PRKCA: variants seen among roughly 807,000 people sequenced by gnomAD.
PRKCA encodes the protein protein kinase C alpha type.
In PRKCA, 27 loss-of-function variants were observed where a neutral mutation model predicts 87.0. That is an observed-to-expected ratio of 0.31 (90% CI 0.23 to 0.43). The LOEUF (loss-of-function observed/expected upper bound fraction) is 0.43, where lower values mean the gene tolerates loss of function less well. PRKCA is among the 20% of genes least tolerant of loss of function. PRKCA has a pLI of 1.00. For synonymous variants in PRKCA, 329 were observed against 311.1 expected, an observed-to-expected ratio of 1.06 and a Z score of -0.61; for missense variants, 518 against 852.3, an observed-to-expected ratio of 0.61 and a Z score of 4.88.
chr17:66,454,071 G>A (rs1266906642), intron 2 of PRKCA, among the ~76,000 whole-genome samples: 1 of 152,166 alleles, frequency 6.6e-6, no homozygotes, highest in African/African-American at 2.4e-5. Context: ...TCATGCCCTA[G>A]TTTCATGTTG....
chr17:66,607,327 C>A lies in PRKCA; in HGVS notation c.289-34028C>A, dbSNP rs146914092. Among the ~76,000 whole-genome samples, 57 of 152,228 alleles carry A rather than the reference C, an allele frequency of 3.7e-4. No individual in the cohort carries two copies. In the East Asian group the frequency reaches 0.01, roughly 28 times the overall value. ...TTTACATAGTTCTGTGGGAAAAAAT[C>A]GGACATACAGTGAGTTAAGTGGAGA... On this transcript the variant is annotated intron_variant, in intron 3 of 16. Coordinates refer to ENST00000413366, the MANE Select transcript of PRKCA (RefSeq NM_002737.3).
intron 3 of PRKCA, among the ~76,000 whole-genome samples, chr17:66,638,844 T>TA (rs750464346): frequency 0.012 from 1,705 of 141,788 alleles, 28 homozygotes; most frequent in African/African-American, 0.041. Flanking sequence ...CAAGACTGTC[T>TA]AAAAAAAAAA....
chr17:66,413,518 A>C (rs781438002), intron 2 of PRKCA, among the ~76,000 whole-genome samples: 1 of 152,194 alleles, frequency 6.6e-6, no homozygotes, highest in Non-Finnish European at 1.5e-5. Flanking sequence ...TTCAGCCTCT[A>C]ATCAGATGAT....
At chr17:66,432,115 A>G (rs773284957) in intron 2 of PRKCA, among the ~76,000 whole-genome samples, 37 of 152,204 alleles carry the variant, frequency 2.4e-4, no homozygotes, top group Non-Finnish European at 5.0e-4. Flanking sequence ...TACTCATGCA[A>G]GTAAGAAGCA....
chr17:66,306,194 A>G, intron 2 of PRKCA, 67 bp downstream of exon 2: 1 of 1,423,666 alleles, frequency 7.0e-7, no homozygotes, highest in Non-Finnish European at 9.7e-7. Context: ...CAAGAACATT[A>G]TTTCCAGTCA....
intron 2 of PRKCA, among the ~76,000 whole-genome samples, chr17:66,397,260 C>T (rs995777936): frequency 4.2e-5 from 6 of 143,892 alleles, no homozygotes; most frequent in South Asian, 2.2e-4. Flanking sequence ...CCAGCATGCC[C>T]GGCCCCAGTG....
intron 2 of PRKCA, among the ~76,000 whole-genome samples, chr17:66,347,316 A>G (rs949924013): frequency 2.0e-5 from 3 of 152,150 alleles, no homozygotes; most frequent in Non-Finnish European, 4.4e-5. Flanking sequence ...TTCTGCTTCA[A>G]TCTGTTGTGA....
intron 5 of PRKCA, among the ~76,000 whole-genome samples, chr17:66,646,779 A>G (rs1434037598): frequency 6.6e-6 from 1 of 152,204 alleles, no homozygotes; most frequent in Non-Finnish European, 1.5e-5. Flanking sequence ...AAGAACTCAG[A>G]GAAGAACAAA....
Position 66,803,807 on chromosome 17 carries a change from C to G in PRKCA, c.1855-66C>G. ...GCCGTGCCCCTCCCCAGAGAGGGCCCTCGGAGAGCTGCTCCCGCATTGTCA... is the reference window on the plus strand; with the variant it reads ...GCCGTGCCCCTCCCCAGAGAGGGCCGTCGGAGAGCTGCTCCCGCATTGTCA... On this transcript the variant is annotated intron_variant, in intron 16 of 16. Coordinates refer to ENST00000413366, the MANE Select transcript of PRKCA (RefSeq NM_002737.3). This position sits in a 1 kb window ranked among gnomAD's most constrained non-coding sequence, Gnocchi z 4.4. 6.3e-7 allele frequency: 1 copy of G among 1,578,140 alleles called. No homozygotes were observed. Among genetic ancestry groups the G allele is most frequent in the Non-Finnish European group, 8.6e-7 (1 of 1,158,920 alleles).
At chr17:66,680,396 G>A (rs1373330777) in intron 5 of PRKCA, among the ~76,000 whole-genome samples, 1 of 152,148 alleles carries the variant, frequency 6.6e-6, no homozygotes. Flanking sequence ...CAGTAATTCT[G>A]TTTTGAGCCT....
At chr17:66,726,362 G>A (rs1973748612) in intron 8 of PRKCA, among the ~76,000 whole-genome samples, 1 of 152,206 alleles carries the variant, frequency 6.6e-6, no homozygotes, top group Non-Finnish European at 1.5e-5. Context: ...ACCAAAAGGA[G>A]GCACTTGAGT....
intron 5 of PRKCA, among the ~76,000 whole-genome samples, chr17:66,666,789 A>G (rs906254340): frequency 9.2e-5 from 14 of 152,184 alleles, no homozygotes; most frequent in Admixed American, 5.9e-4. Flanking sequence ...GAGAAAGAGT[A>G]GTCGTAACTC....
At chr17:66,418,676 A>G (rs1227983993) in intron 2 of PRKCA, among the ~76,000 whole-genome samples, 1 of 151,910 alleles carries the variant, frequency 6.6e-6, no homozygotes, top group East Asian at 1.9e-4. Context: ...ACCTCAAGTG[A>G]TCTTCCAGCC....
At chr17:66,582,536 C>G (rs1969477488) in intron 3 of PRKCA, among the ~76,000 whole-genome samples, 1 of 152,156 alleles carries the variant, frequency 6.6e-6, no homozygotes, top group Non-Finnish European at 1.5e-5. Context: ...TTGCCTGCCG[C>G]CATGTAAGAT....
intron 8 of PRKCA, among the ~76,000 whole-genome samples, chr17:66,718,824 G>A (rs1191323618): frequency 1.3e-5 from 2 of 152,132 alleles, no homozygotes; most frequent in African/African-American, 4.8e-5. Flanking sequence ...ATGTGTTTTT[G>A]TTTTGACATC....
Position 66,806,779 on chromosome 17 carries a change from A to G in PRKCA, c.*2742A>G, listed in dbSNP as rs933867909. Reference sequence around the variant, plus strand: ...GCTGGCTGTTACTCTCTCAGACCATATGGCAAAGTTTTCCAAGAAAATGCC... The same window carrying G: ...GCTGGCTGTTACTCTCTCAGACCATGTGGCAAAGTTTTCCAAGAAAATGCC... On this transcript the variant is annotated 3_prime_UTR_variant, in exon 17 of 17. Coordinates refer to ENST00000413366, the MANE Select transcript of PRKCA (RefSeq NM_002737.3). 5 of 152,208 alleles carry G rather than the reference A, an allele frequency of 3.3e-5. No homozygotes were observed. The highest frequency in any genetic ancestry group is 1.2e-4 in the African/African-American group (5 of 41,454). The allele number at this position is 152,208 out of a possible 1,614,324, so 9.4% of individuals were successfully genotyped here.
Position 66,506,059 on chromosome 17 carries a change from G to A in PRKCA, c.288+9776G>A, listed in dbSNP as rs376337735. Among the ~76,000 whole-genome samples the A allele has an allele frequency of 3.3e-5, 5 of 152,280 alleles. No individual in the cohort carries two copies. The East Asian group carries it at 5.8e-4, about 18-fold the overall frequency. On this transcript the variant is annotated intron_variant, in intron 3 of 16. Transcript: ENST00000413366. Reference sequence around the variant, plus strand: ...GCCTATAATCCCAGCACTTTGGGAGGTCAAGGCAGGTGGATCACCTGAGGT... The same window carrying A: ...GCCTATAATCCCAGCACTTTGGGAGATCAAGGCAGGTGGATCACCTGAGGT...
At chr17:66,400,274 C>T (rs1412057748) in intron 2 of PRKCA, among the ~76,000 whole-genome samples, 1 of 152,166 alleles carries the variant, frequency 6.6e-6, no homozygotes, top group Non-Finnish European at 1.5e-5. Flanking sequence ...GCCTTAGCCA[C>T]CTGAGTAGCT....
At chr17:66,787,888 T>C (rs1359937618) in intron 15 of PRKCA, among the ~76,000 whole-genome samples, 1 of 152,194 alleles carries the variant, frequency 6.6e-6, no homozygotes, top group Non-Finnish European at 1.5e-5. Flanking sequence ...CCTCCTGTCA[T>C]ATTGCTGTGC....
Sources: gnomAD v4.1 joint callset for allele counts (sites outside exome capture counted in the v4.1 genomes callset) on GRCh38, gnomAD v4.1.1 for gene constraint, Gnocchi (gnomAD v3.1) non-coding constraint, MANE v1.5 for transcripts, NCBI Gene and HGNC (gene_info 2026-07-23, HGNC 2026-07-21) for gene names.